The following SLC7A14 variants were observed in gnomAD, a reference collection of about 807,000 sequenced individuals.
SLC7A14 encodes solute carrier family 7 member 14.
SLC7A14 carries 37 observed loss-of-function variants against 60.2 expected under a neutral mutation model. The ratio of observed to expected loss-of-function variants is 0.61; its 90% CI spans 0.47 to 0.81. SLC7A14 has a LOEUF of 0.81. Among genes scored for constraint, SLC7A14 ranks in the 30% least tolerant of loss-of-function variants. SLC7A14 has a pLI of 0.00. For missense variants in SLC7A14, 886 were observed against 982.7 expected, an observed-to-expected ratio of 0.90 and a Z score of 1.32; for synonymous variants, 399 against 395.8, an observed-to-expected ratio of 1.01 and a Z score of -0.10.
intron 1 of SLC7A14, among the ~76,000 whole-genome samples, chr3:170,546,173 A>G (rs1180068685): frequency 2.0e-5 from 3 of 152,220 alleles, no homozygotes; most frequent in African/African-American, 7.2e-5. Context: ...GCTGGAGATG[A>G]AGACTCACCC....
rs1711948895 is a variant in SLC7A14, at chr3:170,484,397, G to T, written c.907-875C>A. On this transcript the variant is annotated intron_variant, in intron 5 of 7. Coordinates refer to ENST00000231706, the MANE Select transcript of SLC7A14 (RefSeq NM_020949.3). ...GCCACTGGCATGCATGTGCATCGGG[G>T]AGGTGATAAGCACTTAACTGGGGGC... Among the ~76,000 whole-genome samples the T allele has an allele frequency of 2.0e-5, 3 of 152,330 alleles. No individual in the cohort carries two copies. In the South Asian group the frequency reaches 6.2e-4, roughly 32 times the overall value.
chr3:170,572,060 C>CAAAAAAAAAAAA (rs765897392), intron 1 of SLC7A14, among the ~76,000 whole-genome samples: 4 of 80,594 alleles, frequency 5.0e-5, no homozygotes, highest in East Asian at 3.5e-4. Context: ...GACTCTGTCT[C>CAAAAAAAAAAAA]AAAAAAAAAA....
intron 1 of SLC7A14, among the ~76,000 whole-genome samples, chr3:170,537,259 C>T (rs542362735): frequency 6.6e-6 from 1 of 152,302 alleles, no homozygotes; most frequent in African/African-American, 2.4e-5. Context: ...CACCTGCATT[C>T]CTTGACTTGT....
intron 7 of SLC7A14, among the ~76,000 whole-genome samples, chr3:170,478,661 G>C (rs554462486): frequency 6.6e-5 from 10 of 152,138 alleles, no homozygotes; most frequent in Admixed American, 6.5e-4. Flanking sequence ...GTTTTTTCTG[G>C]CAATTCTGAC....
chr3:170,551,543 A>G (rs1047003580), intron 1 of SLC7A14, among the ~76,000 whole-genome samples: 4 of 152,182 alleles, frequency 2.6e-5, no homozygotes, highest in African/African-American at 4.8e-5. Flanking sequence ...CAGTTTCTCT[A>G]CATCTTCCTC....
intron 2 of SLC7A14, among the ~76,000 whole-genome samples, chr3:170,504,618 C>T (rs928147297): frequency 2.0e-5 from 3 of 152,078 alleles, no homozygotes; most frequent in East Asian, 1.9e-4. Flanking sequence ...CTGCGCCCGG[C>T]GAAACCTTGG....
chr3:170,520,819 C>T (rs1713319417), intron 2 of SLC7A14, among the ~76,000 whole-genome samples: 1 of 152,202 alleles, frequency 6.6e-6, no homozygotes, highest in Admixed American at 6.5e-5. Context: ...ATCTGCCTCT[C>T]TTCCACTACT....
chr3:170,526,761 A>G lies in SLC7A14; in HGVS notation c.176T>C (p.Ile59Thr), dbSNP rs150386315. The change falls in exon 2 of 8, where the codon ATC (isoleucine) becomes ACC (threonine). Residue 59 changes from isoleucine to threonine, a missense_variant. Ile to Thr is a moderately conservative substitution (Grantham distance 89). Coordinates refer to ENST00000231706, the MANE Select transcript of SLC7A14 (RefSeq NM_020949.3). The stretch of plus-strand genomic sequence containing the variant: ...CACACAGCTGCCAACGCCAAGAGAG[A>G]TGAGGTCCACTGTGGTGAGTACCTG... ...LAQVLTTVDL[I>T]SLGVGSCVGT... The G allele has an allele frequency of 6.5e-5, 105 of 1,614,248 alleles. No individual in the cohort carries two copies. In the African/African-American group the frequency reaches 1.4e-3, roughly 21 times the overall value.
intron 2 of SLC7A14, among the ~76,000 whole-genome samples, chr3:170,520,187 C>A (rs547209027): frequency 6.6e-6 from 1 of 152,220 alleles, no homozygotes; most frequent in Non-Finnish European, 1.5e-5. Context: ...TAAGCAGGAG[C>A]CTTAAGCAAA....
At chr3:170,569,627 A>T (rs1380789448) in intron 1 of SLC7A14, among the ~76,000 whole-genome samples, 2 of 152,142 alleles carry the variant, frequency 1.3e-5, no homozygotes, top group Admixed American at 6.5e-5. Context: ...TCGGCTGTGA[A>T]TCCATCTGGT....
chr3:170,555,302 C>T (rs1488689008), intron 1 of SLC7A14, among the ~76,000 whole-genome samples: 1 of 151,794 alleles, frequency 6.6e-6, no homozygotes, highest in Non-Finnish European at 1.5e-5. Flanking sequence ...TATTCCACTC[C>T]CTAGAATTGG....
chr3:170,559,685 C>T (rs1193774335), intron 1 of SLC7A14, among the ~76,000 whole-genome samples: 5 of 152,108 alleles, frequency 3.3e-5, no homozygotes, highest in African/African-American at 1.2e-4. Flanking sequence ...AAAAAATAAC[C>T]CAATAGATTC....
At chr3:170,580,945 C>T (rs1577578625) in intron 1 of SLC7A14, among the ~76,000 whole-genome samples, 2 of 152,130 alleles carry the variant, frequency 1.3e-5, no homozygotes, top group Admixed American at 1.3e-4. Flanking sequence ...GGTATGGCTG[C>T]ATCTGAAAAG....
At position 170,467,140 on chromosome 3, in the gene SLC7A14, C is replaced by T. The variant is rs1050594411; in HGVS notation, c.2231G>A (p.Ser744Asn). 1 of 1,614,254 alleles carries T rather than the reference C, an allele frequency of 6.2e-7. No individual in the cohort carries two copies. The highest frequency in any genetic ancestry group is 8.5e-7 in the Non-Finnish European group (1 of 1,180,048). Residue 744 changes from serine (S) to asparagine (N), a missense_variant, in exon 8 of 8, where the codon AGT becomes AAT. Physicochemically the swap from Ser to Asn is conservative, Grantham distance 46. Coordinates refer to ENST00000231706, the MANE Select transcript of SLC7A14 (RefSeq NM_020949.3). Reference sequence around the variant, plus strand: ...TTTGCTTTTGCTCTTCGCTTTGCTACTTGTCCGGCCGTTTGCCTTCGCATC... The same window carrying T: ...TTTGCTTTTGCTCTTCGCTTTGCTATTTGTCCGGCCGTTTGCCTTCGCATC... ...MSDAKANGRT[S>N]SKAKSKSKHK...
At chr3:170,568,453 A>G (rs1331990339) in intron 1 of SLC7A14, among the ~76,000 whole-genome samples, 9 of 152,178 alleles carry the variant, frequency 5.9e-5, no homozygotes, top group Non-Finnish European at 1.3e-4. Flanking sequence ...TGATGCCTCC[A>G]GCTTTGTTCT....
intron 6 of SLC7A14, among the ~76,000 whole-genome samples, chr3:170,482,960 C>G (rs1338892267): frequency 1.3e-5 from 2 of 151,346 alleles, no homozygotes; most frequent in Non-Finnish European, 2.9e-5. Context: ...TACCAGGCCT[C>G]AATGTGAGGG....
intron 5 of SLC7A14, among the ~76,000 whole-genome samples, chr3:170,485,392 C>G (rs1213415999): frequency 7.2e-5 from 11 of 152,296 alleles, no homozygotes; most frequent in South Asian, 2.1e-4. Context: ...AGCAGCACCC[C>G]CCACTGCCAG....
chr3:170,467,914 A>G (rs914275499), intron 7 of SLC7A14, among the ~76,000 whole-genome samples: 1 of 152,192 alleles, frequency 6.6e-6, no homozygotes, highest in Non-Finnish European at 1.5e-5. Flanking sequence ...GCATGCATAT[A>G]TTATCCTGTG....
chr3:170,471,726 T>A (rs949345718), intron 7 of SLC7A14, among the ~76,000 whole-genome samples: 1 of 152,166 alleles, frequency 6.6e-6, no homozygotes, highest in South Asian at 2.1e-4. Flanking sequence ...TAATATCTTT[T>A]GAGGGTGGAT....
Sources: allele counts gnomAD v4.1 joint callset (sites outside exome capture counted in the v4.1 genomes callset), GRCh38; gene constraint gnomAD v4.1.1; transcripts MANE v1.5; gene names NCBI Gene and HGNC (gene_info 2026-07-23, HGNC 2026-07-21).